Variants in RAD21L1 observed in about 807,000 individuals in gnomAD.
RAD21L1 encodes RAD21 cohesin complex component like 1.
In RAD21L1, 47 loss-of-function variants were observed where a neutral mutation model predicts 69.0. That is an observed-to-expected ratio of 0.68 (90% CI 0.54 to 0.87). RAD21L1 has a LOEUF of 0.87. Among genes scored for constraint, RAD21L1 ranks in the 40% least tolerant of loss-of-function variants. The pLI is 0.00. For synonymous variants in RAD21L1, 177 were observed against 205.8 expected (o/e 0.86, Z 1.20); for missense variants, 583 against 647.6 (o/e 0.90, Z 1.08).
chr20:1,248,058 A>T (rs2087752975), intron 12 of RAD21L1, among the ~76,000 whole-genome samples: 1 of 150,348 alleles, frequency 6.7e-6, no homozygotes, highest in African/African-American at 2.4e-5. Context: ...AAAAAAAAAA[A>T]AAAAAAAAAA....
At position 1,254,546 on chromosome 20, in the gene RAD21L1, A is replaced by G. The variant is rs907301762; in HGVS notation, c.*89A>G. On this transcript the variant is annotated 3_prime_UTR_variant, in exon 14 of 14. Transcript: ENST00000683101. ...TGCAGAAGCCATCTGGAAGCAGCTG[A>G]AGGTCTGATCCATTTCATAGATAGG... 2 of 885,142 alleles carry G rather than the reference A, an allele frequency of 2.3e-6. No homozygotes were observed. The highest frequency in any genetic ancestry group is 3.3e-5 in the Admixed American group (1 of 29,952). The allele number at this position is 885,142 out of a possible 1,614,324, so 54.8% of individuals were successfully genotyped here. A position where few individuals can be genotyped will look rare whatever the true frequency, so the allele number is the denominator to read the frequency against.
Position 1,246,363 on chromosome 20 carries a change from C to A in RAD21L1, c.1401+58C>A. 2 of 781,566 alleles carry A rather than the reference C, an allele frequency of 2.6e-6. No homozygotes were observed. Among genetic ancestry groups the A allele is most frequent in the South Asian group, 2.6e-5 (1 of 39,132 alleles). The allele number at this position is 781,566 out of a possible 1,614,324, so 48.4% of individuals were successfully genotyped here. On this transcript the variant is annotated intron_variant, in intron 12 of 13. Transcript: ENST00000683101. This position sits in a 1 kb window ranked among gnomAD's most constrained non-coding sequence, Gnocchi z 4.6. ...AAAAACTTTATTCCTAAATATTTAA[C>A]ACCTTATTTATCTAAAACTTGGCTT... is the stretch of plus-strand genomic sequence containing the variant.
intron 13 of RAD21L1, among the ~76,000 whole-genome samples, chr20:1,250,088 G>A (rs372305530): frequency 2.4e-4 from 36 of 148,870 alleles, no homozygotes; most frequent in African/African-American, 8.9e-4. Flanking sequence ...TCCCACCTAC[G>A]AGTGAGAACA....
Position 1,242,824 on chromosome 20 carries a change from G to T in RAD21L1, c.1062G>T (p.Leu354Phe). Residue 354 changes from leucine (L) to phenylalanine (F), a missense_variant, in exon 9 of 14, where the codon TTG becomes TTT. Leu to Phe is a conservative substitution (Grantham distance 22). Coordinates refer to ENST00000683101, the MANE Select transcript of RAD21L1 (RefSeq NM_001384355.1). Reference sequence around the variant, plus strand: ...TTCTGTCAACTGCTGCCCAGGATTTGATTCATGCTGAACTGAAAATGGTAA... The same window carrying T: ...TTCTGTCAACTGCTGCCCAGGATTTTATTCATGCTGAACTGAAAATGGTAA... ...HTLLSTAAQD[L>F]IHAELKMLFT... 2 of 1,551,050 alleles carry T rather than the reference G, an allele frequency of 1.3e-6. No individual in the cohort carries two copies. The highest frequency in any genetic ancestry group is 2.4e-5 in the South Asian group (2 of 84,012).
chr20:1,237,092 G>C (rs2087509889), intron 5 of RAD21L1, among the ~76,000 whole-genome samples: 1 of 152,102 alleles, frequency 6.6e-6, no homozygotes, highest in Admixed American at 6.5e-5. Context: ...GAAGATTTAG[G>C]TCTATAGAAG....
chr20:1,248,045 C>CAAAAAAAAAAA (rs71327497), intron 12 of RAD21L1, among the ~76,000 whole-genome samples: 28 of 71,912 alleles, frequency 3.9e-4, no homozygotes, highest in East Asian at 9.5e-4. Flanking sequence ...CCTTAAATAC[C>CAAAAAAAAAAA]AAAAAAAAAA....
Position 1,242,728 on chromosome 20 carries a change from C to T in RAD21L1, c.966C>T (p.Leu322=), listed in dbSNP as rs1297572901. 3.2e-6 allele frequency: 5 copies of T among 1,551,604 alleles called. No homozygotes were observed. In the South Asian group the frequency reaches 3.6e-5, roughly 11 times the overall value. ...AGCTTACTTCCTTTGCGGACACACT[C>T]ATGGTTTTGGAACTTGCACCTCCTA... ...HKQLTSFADT[L]MVLELAPPTQ... Residue 322 remains leucine (L), a synonymous_variant, in exon 9 of 14, where the codon CTC becomes CTT. Transcript: ENST00000683101.
chr20:1,240,262 C>G, intron 7 of RAD21L1, 59 bp from the exon 8 acceptor site: 1 of 1,488,076 alleles, frequency 6.7e-7, no homozygotes, highest in Non-Finnish European at 8.9e-7. Flanking sequence ...TCATACAGTC[C>G]TCTAGCCTGC....
rs756437361 is a variant in RAD21L1, at chr20:1,254,898, C to T, written c.*441C>T. ...TGATTTGAATGTTGCACTTAGCATA[C>T]ATTTAGCATGCATTTTTAAAATGCT... On this transcript the variant is annotated 3_prime_UTR_variant, in exon 14 of 14. Transcript: ENST00000683101. 2.6e-5 allele frequency among the ~76,000 whole-genome samples: 4 copies of T among 152,136 alleles called. No homozygotes were observed. Among genetic ancestry groups the T allele is most frequent in the Non-Finnish European group, 5.9e-5 (4 of 68,022 alleles).
intron 1 of RAD21L1, among the ~76,000 whole-genome samples, 169 bp from the exon 2 acceptor site, chr20:1,228,253 A>T (rs1035598264): frequency 6.6e-6 from 1 of 152,234 alleles, no homozygotes; most frequent in Non-Finnish European, 1.5e-5. Flanking sequence ...TTAGGTTATA[A>T]TTTTATATTC....
At chr20:1,253,429 T>C (rs893469924) in intron 13 of RAD21L1, among the ~76,000 whole-genome samples, 1 of 152,194 alleles carries the variant, frequency 6.6e-6, no homozygotes. Flanking sequence ...CCCGAATAGC[T>C]GGGATTAGAG....
At position 1,238,164 on chromosome 20, in the gene RAD21L1, A is replaced by T. The variant is rs765562810; in HGVS notation, c.596A>T (p.Tyr199Phe). 1 of 1,538,844 alleles carries T rather than the reference A, an allele frequency of 6.5e-7. No homozygotes were observed. The highest frequency in any genetic ancestry group is 8.8e-7 in the Non-Finnish European group (1 of 1,138,752). Residue 199 changes from tyrosine (Y) to phenylalanine (F), a missense_variant, in exon 6 of 14, where the codon TAT (tyrosine) becomes TTT (phenylalanine). By Grantham distance (22) the Tyr-to-Phe change is conservative. Coordinates refer to ENST00000683101, the MANE Select transcript of RAD21L1 (RefSeq NM_001384355.1). ...GSLTGERSLF[Y>F]DSGDGFGDEG... ...CTCACTGGAGAACGATCTCTATTCT[A>T]TGACAGTGGAGATGGGTTTGGAGAT...
chr20:1,245,801 C>T (rs2087706283), intron 11 of RAD21L1, among the ~76,000 whole-genome samples: 1 of 151,958 alleles, frequency 6.6e-6, no homozygotes, highest in South Asian at 2.1e-4. Flanking sequence ...CACTCCCTCT[C>T]TGCTTGCTTA....
At chr20:1,242,191 A>T (rs1489517319) in intron 8 of RAD21L1, among the ~76,000 whole-genome samples, 1 of 152,034 alleles carries the variant, frequency 6.6e-6, no homozygotes, top group Non-Finnish European at 1.5e-5. Flanking sequence ...GGGAGAAGGG[A>T]TTTTCTTTCC....
chr20:1,229,902 C>CA lies in RAD21L1; in HGVS notation c.168dup (p.Gly57ArgfsTer12). 1 of 1,548,934 alleles carries CA rather than the reference C, an allele frequency of 6.5e-7. No homozygotes were observed. Among genetic ancestry groups the CA allele is most frequent in the Non-Finnish European group, 8.7e-7 (1 of 1,144,836 alleles). On this transcript the variant is annotated frameshift_variant, in exon 3 of 14. Transcript: ENST00000683101. LOFTEE classifies it high-confidence loss of function. Reference sequence around the variant, plus strand: ...AAGGTGAAAATAGCACTTCGAACTTCAGGACACCTTCTTTTGGGAGTTGTT... The same window carrying CA: ...AAGGTGAAAATAGCACTTCGAACTTCAAGGACACCTTCTTTTGGGAGTTGTT...
chr20:1,242,378 G>A lies in RAD21L1; in HGVS notation c.857-241G>A, dbSNP rs116675348. 4.4e-3 allele frequency among the ~76,000 whole-genome samples: 670 copies of A among 152,182 alleles called. 8 individuals are homozygous for A. The highest frequency in any genetic ancestry group is 0.015 in the African/African-American group (633 of 41,522). On this transcript the variant is annotated intron_variant, in intron 8 of 13. Transcript: ENST00000683101. ...CTCCTGAGTAGCTGGGTCTACAGGT[G>A]CGTGCTACCATGTGTGGCTAATTTT...
chr20:1,236,909 A>G (rs974063855), intron 5 of RAD21L1, among the ~76,000 whole-genome samples: 3 of 152,214 alleles, frequency 2.0e-5, no homozygotes, highest in Non-Finnish European at 4.4e-5. Flanking sequence ...TAGTGTCTTC[A>G]TAAGTCTTAT....
intron 11 of RAD21L1, among the ~76,000 whole-genome samples, chr20:1,244,648 A>T (rs2087684407): frequency 6.6e-6 from 1 of 152,196 alleles, no homozygotes; most frequent in South Asian, 2.1e-4. Context: ...AAATTTTAAA[A>T]ACTTTTTAAG....
chr20:1,233,174 A>T (rs1408778446), intron 4 of RAD21L1, among the ~76,000 whole-genome samples: 2 of 152,138 alleles, frequency 1.3e-5, no homozygotes, highest in African/African-American at 2.4e-5. Context: ...TATCGAAGGG[A>T]GTAGGTAAGT....
Sources: allele counts gnomAD v4.1 joint callset (sites outside exome capture counted in the v4.1 genomes callset), GRCh38; gene constraint gnomAD v4.1.1; non-coding constraint Gnocchi (gnomAD v3.1); transcripts MANE v1.5; gene names NCBI Gene and HGNC (gene_info 2026-07-23, HGNC 2026-07-21).